RAB38: variants seen among roughly 807,000 people sequenced by gnomAD.
RAB38 encodes ras-related protein Rab-38.
Under a neutral mutation model 18.4 loss-of-function variants are expected in RAB38, and 15 were observed. The observed-to-expected ratio is 0.82, with a 90% CI of 0.55 to 1.26. The LOEUF (loss-of-function observed/expected upper bound fraction) is 1.26, where lower values mean the gene tolerates loss of function less well. Among genes scored for constraint, RAB38 ranks in the 50% most tolerant of loss-of-function variants. The pLI, the probability that RAB38 is intolerant of heterozygous loss-of-function variation, is 0.00. For missense variants in RAB38, 294 were observed against 267.4 expected (o/e 1.10, Z -0.69); for synonymous variants, 101 against 104.4 (o/e 0.97, Z 0.20).
chr11:87,817,077 G>A, the RAB38 span: 45 of 152,264 alleles, frequency 3.0e-4, no homozygotes, highest in African/African-American at 9.6e-4. Context: ...TATTTAGGTA[G>A]ATAAGCTAAC....
chr11:88,030,616 T>A, the RAB38 span, among the ~76,000 whole-genome samples: 1 of 152,226 alleles, frequency 6.6e-6, no homozygotes, highest in African/African-American at 2.4e-5. Context: ...GCAAATAAAC[T>A]AGAAAATCTA....
intron 2 of RAB38, among the ~76,000 whole-genome samples, chr11:88,129,018 A>G (rs1053146823): frequency 3.9e-5 from 6 of 152,232 alleles, no homozygotes; most frequent in Admixed American, 6.5e-5. Flanking sequence ...CACTATATGG[A>G]CAGTTGTATA....
At chr11:88,174,620 C>CAAAAAAAAAAAAAA (rs60026669) in intron 1 of RAB38, among the ~76,000 whole-genome samples, 76 of 101,050 alleles carry the variant, frequency 7.5e-4, no homozygotes, top group African/African-American at 1.8e-3. Flanking sequence ...AAGCAAAAAG[C>CAAAAAAAAAAAAAA]AAAAAAAAAA....
At chr11:88,026,205 G>T in the RAB38 span, among the ~76,000 whole-genome samples, 2 of 151,992 alleles carry the variant, frequency 1.3e-5, no homozygotes, top group African/African-American at 4.8e-5. Context: ...CAAAATTAAA[G>T]ATATGGAAAA....
At chr11:87,878,846 A>C in the RAB38 span, among the ~76,000 whole-genome samples, 1 of 151,666 alleles carries the variant, frequency 6.6e-6, no homozygotes, top group Non-Finnish European at 1.5e-5. Flanking sequence ...TCAAGGATGG[A>C]ATTTTTATCC....
the RAB38 span, among the ~76,000 whole-genome samples, chr11:88,019,320 T>C: frequency 6.6e-6 from 1 of 152,138 alleles, no homozygotes; most frequent in African/African-American, 2.4e-5. Context: ...TTTTCTTTCA[T>C]AGAAATGCAC....
the RAB38 span, among the ~76,000 whole-genome samples, chr11:87,918,752 A>G: frequency 2.0e-5 from 3 of 149,884 alleles, no homozygotes; most frequent in Admixed American, 6.6e-5. Flanking sequence ...TTAAGTTTCA[A>G]ATATGTTTAG....
At chr11:88,124,556 A>G (rs964653070) in intron 2 of RAB38, among the ~76,000 whole-genome samples, 2 of 152,232 alleles carry the variant, frequency 1.3e-5, no homozygotes, top group African/African-American at 4.8e-5. Context: ...GAGAGATACT[A>G]GCTAACTACC....
At chr11:88,085,481 T>G in the RAB38 span, among the ~76,000 whole-genome samples, 1 of 151,934 alleles carries the variant, frequency 6.6e-6, no homozygotes, top group South Asian at 2.1e-4. Context: ...CCTAATTATA[T>G]TTTCATTATA....
intron 2 of RAB38, among the ~76,000 whole-genome samples, chr11:88,137,514 TAA>T (rs1942851053): frequency 6.6e-6 from 1 of 152,030 alleles, no homozygotes; most frequent in Non-Finnish European, 1.5e-5. Context: ...AGCAAACTAA[TAA>T]ACAGAATAAA....
the RAB38 span, among the ~76,000 whole-genome samples, chr11:87,903,537 T>C: frequency 6.6e-6 from 1 of 151,578 alleles, no homozygotes; most frequent in African/African-American, 2.4e-5. Flanking sequence ...TTGTAAATGT[T>C]TTGTTTGGTT....
chr11:87,912,817 A>G, the RAB38 span, among the ~76,000 whole-genome samples: 106,868 of 132,332 alleles, frequency 0.81, 43,493 homozygotes, highest in East Asian at 0.94. Context: ...TTTTATACTA[A>G]ACATATTCAG....
the RAB38 span, among the ~76,000 whole-genome samples, chr11:88,011,489 T>C: frequency 6.6e-6 from 1 of 152,280 alleles, no homozygotes; most frequent in Non-Finnish European, 1.5e-5. Context: ...AATGTTGTAG[T>C]CCAAACTCAA....
chr11:87,886,496 C>T, the RAB38 span, among the ~76,000 whole-genome samples: 32 of 151,820 alleles, frequency 2.1e-4, no homozygotes, highest in Non-Finnish European at 3.5e-4. Flanking sequence ...GTGCTGCAAA[C>T]GGGATTGTTT....
the RAB38 span, among the ~76,000 whole-genome samples, chr11:87,967,045 C>G: frequency 6.6e-6 from 1 of 152,314 alleles, no homozygotes; most frequent in South Asian, 2.1e-4. Context: ...TGAGATTAAG[C>G]TGAATATTAA....
chr11:88,011,691 C>T, the RAB38 span, among the ~76,000 whole-genome samples: 1 of 152,122 alleles, frequency 6.6e-6, no homozygotes, highest in Non-Finnish European at 1.5e-5. Context: ...TCATCTAAGT[C>T]TTTTTTATAA....
the RAB38 span, among the ~76,000 whole-genome samples, chr11:87,976,279 T>A: frequency 2.0e-4 from 29 of 144,028 alleles, no homozygotes; most frequent in African/African-American, 7.0e-4. Context: ...GGTGTGTGTA[T>A]ATATATATAT....
At chr11:88,123,836 G>C (rs577961874) in intron 2 of RAB38, among the ~76,000 whole-genome samples, 66 of 152,062 alleles carry the variant, frequency 4.3e-4, no homozygotes, top group Admixed American at 5.9e-4. Context: ...GTATTTTTAC[G>C]ACTATATAGT....
intron 1 of RAB38, among the ~76,000 whole-genome samples, chr11:88,160,890 G>C (rs189410380): frequency 6.6e-6 from 1 of 151,906 alleles, no homozygotes; most frequent in Non-Finnish European, 1.5e-5. Context: ...CTCACTCCCT[G>C]AGTAAGGGGA....
Sources: gnomAD v4.1 joint callset for allele counts (sites outside exome capture counted in the v4.1 genomes callset) on GRCh38, gnomAD v4.1.1 for gene constraint, MANE v1.5 for transcripts, NCBI Gene and HGNC (gene_info 2026-07-23, HGNC 2026-07-21) for gene names.